Variants in TTK observed in about 807,000 individuals in gnomAD.
TTK encodes the protein TTK protein kinase, also known as dual specificity protein kinase TTK.
Under a neutral mutation model 117.3 loss-of-function variants are expected in TTK, and 59 were observed. The observed-to-expected ratio is 0.50, with a 90% CI of 0.41 to 0.62. The LOEUF is 0.62. Among genes scored for constraint, TTK ranks in the 20% least tolerant of loss-of-function variants. TTK has a pLI of 0.00. For synonymous variants in TTK, 302 were observed against 325.0 expected, an observed-to-expected ratio of 0.93 and a Z score of 0.76; for missense variants, 921 against 989.4, an observed-to-expected ratio of 0.93 and a Z score of 0.93.
chr6:80,032,538 G>C (rs888983874), intron 14 of TTK, among the ~76,000 whole-genome samples: 105 of 152,156 alleles, frequency 6.9e-4, no homozygotes, highest in African/African-American at 2.5e-3. Context: ...TCGCTTCTTA[G>C]TGTCTACCAG....
At chr6:80,041,330 A>C (rs1032550256) in intron 21 of TTK, among the ~76,000 whole-genome samples, 1 of 151,794 alleles carries the variant, frequency 6.6e-6, no homozygotes, top group Non-Finnish European at 1.5e-5. Context: ...GATACATATA[A>C]AATCCATCTA....
In TTK at chr6:80,035,325, G is replaced by A. The variant is rs747061200; in HGVS notation, c.1832G>A (p.Ser611Asn). The change falls in exon 16 of 22, where the codon AGT becomes AAT. Residue 611 changes from serine to asparagine, a missense_variant. Transcript: ENST00000369798. ...GAGTGTGGAAATATTGATCTTAATA[G>A]TTGGCTTAAAAAGAAAAAATCCATT... ...VMECGNIDLN[S>N]WLKKKKSIDP... 1.7e-5 allele frequency: 27 copies of A among 1,612,326 alleles called. No individual in the cohort carries two copies. The highest frequency in any genetic ancestry group is 1.7e-4 in the Middle Eastern group (1 of 6,054).
intron 11 of TTK, among the ~76,000 whole-genome samples, chr6:80,023,293 T>C (rs911681803): frequency 6.6e-6 from 1 of 152,228 alleles, no homozygotes; most frequent in Non-Finnish European, 1.5e-5. Context: ...TGTTTATTAA[T>C]TTATTAAAAA....
chr6:80,040,807 C>T (rs976805263), intron 21 of TTK, 104 bp downstream of exon 21: 6 of 933,720 alleles, frequency 6.4e-6, no homozygotes, highest in Non-Finnish European at 6.5e-6. Flanking sequence ...ATCATCAGAT[C>T]AGTTATGAAA....
intron 2 of TTK, 107 bp from the exon 3 acceptor site, chr6:80,007,702 A>T: frequency 1.2e-6 from 1 of 820,598 alleles, no homozygotes; most frequent in Non-Finnish European, 1.9e-6. Context: ...GACTTTATGT[A>T]CATTGATACT....
intron 1 of TTK, chr6:80,005,008 C>T (rs1766949510): frequency 6.6e-6 from 1 of 152,238 alleles, no homozygotes; most frequent in Non-Finnish European, 1.5e-5. Flanking sequence ...AAAGGACAGT[C>T]TCTCTTGTTT....
chr6:80,036,657 GTAT>G (rs1353474857), intron 17 of TTK, 58 bp downstream of exon 17: 1 of 1,502,806 alleles, frequency 6.7e-7, no homozygotes, highest in East Asian at 2.3e-5. Flanking sequence ...TACCTGTGAA[GTAT>G]TATATTGCAA....
In TTK at chr6:80,008,199, C is replaced by T. The variant is rs531914188; in HGVS notation, c.362+168C>T. ...ACTAATGTAAACTCTTTTCTATGCA[C>T]GTTTCCACAACAGTTTACTTATTTT... On this transcript the variant is annotated intron_variant, in intron 3 of 21. Coordinates refer to ENST00000369798, the MANE Select transcript of TTK (RefSeq NM_003318.5). 3.3e-5 allele frequency among the ~76,000 whole-genome samples: 5 copies of T among 152,086 alleles called. No individual in the cohort carries two copies. The South Asian group carries it at 8.3e-4, about 25-fold the overall frequency.
Position 80,039,769 on chromosome 6 carries a change from A to T in TTK, c.2204A>T (p.Gln735Leu). Residue 735 changes from glutamine to leucine, a missense_variant, in exon 19 of 22, where the codon CAG becomes CTG. Physicochemically the swap from Gln to Leu is moderately radical, Grantham distance 113. Coordinates refer to ENST00000369798, the MANE Select transcript of TTK (RefSeq NM_003318.5). ...ATGACTTACGGGAAAACACCATTTC[A>T]GCAGATAATTAATCAGATTTCTAAA... is the stretch of plus-strand genomic sequence containing the variant. ...YYMTYGKTPF[Q>L]QIINQISKLH... The T allele has an allele frequency of 1.9e-6, 3 of 1,589,040 alleles. No individual in the cohort carries two copies. Among genetic ancestry groups the T allele is most frequent in the Non-Finnish European group, 2.6e-6 (3 of 1,168,618 alleles).
chr6:80,006,463 T>C (rs544278132), intron 2 of TTK, among the ~76,000 whole-genome samples: 5 of 152,278 alleles, frequency 3.3e-5, no homozygotes, highest in Admixed American at 2.6e-4. Flanking sequence ...TTAAGCAAAA[T>C]CTTAATGGAG....
At chr6:80,033,410 A>G (rs1373547730) in intron 14 of TTK, among the ~76,000 whole-genome samples, 1 of 152,030 alleles carries the variant, frequency 6.6e-6, no homozygotes, top group African/African-American at 2.4e-5. Context: ...TTTTCTCTGT[A>G]TCTTACCTTC....
At chr6:80,011,188 AT>A (rs201264231) in intron 5 of TTK, among the ~76,000 whole-genome samples, 10,574 of 144,916 alleles carry the variant, frequency 0.073, 390 homozygotes, top group South Asian at 0.12. Flanking sequence ...AAGCAAGAGA[AT>A]TTTTTTTTTT....
At chr6:80,031,319 A>G in intron 13 of TTK, 148 bp from the exon 14 acceptor site, 1 of 405,710 alleles carries the variant, frequency 2.5e-6, no homozygotes, top group Non-Finnish European at 4.2e-6. Flanking sequence ...TTCTTTGATT[A>G]AGTAGAGCAA....
At chr6:80,025,157 C>G (rs1767572012) in intron 11 of TTK, among the ~76,000 whole-genome samples, 1 of 152,180 alleles carries the variant, frequency 6.6e-6, no homozygotes, top group African/African-American at 2.4e-5. Context: ...ATCGCAGATG[C>G]TAACATTCCA....
chr6:80,037,838 G>A, intron 17 of TTK, 129 bp from the exon 18 acceptor site: 1 of 400,198 alleles, frequency 2.5e-6, no homozygotes, highest in Non-Finnish European at 4.1e-6. Context: ...TCTGGCATTT[G>A]TATTTTTAAG....
chr6:80,014,607 A>G (rs1767255922), intron 10 of TTK, 21 bp downstream of exon 10: 1 of 1,575,252 alleles, frequency 6.3e-7, no homozygotes. Flanking sequence ...CAAAATCAGT[A>G]GACTTGTATG....
chr6:80,038,703 G>GT (rs2127684268), intron 18 of TTK, among the ~76,000 whole-genome samples: 1 of 152,072 alleles, frequency 6.6e-6, no homozygotes, highest in Admixed American at 6.5e-5. Context: ...GCTTGTAAGT[G>GT]TTTTTCAAAT....
Position 80,023,013 on chromosome 6 carries a change from T to C in TTK, c.1257+541T>C, listed in dbSNP as rs192273291. Among the ~76,000 whole-genome samples the C allele has an allele frequency of 1.3e-3, 192 of 152,308 alleles. 4 individuals are homozygous for C. The highest frequency in any genetic ancestry group is 0.013 in the Admixed American group (192 of 15,292). On this transcript the variant is annotated intron_variant, in intron 11 of 21. Transcript: ENST00000369798. ...AGACAACGTACATGAATTTGTAACA[T>C]ACTGAGTCATCATTCCTGGTGGCTT...
intron 14 of TTK, 133 bp from the exon 15 acceptor site, chr6:80,034,852 C>A: frequency 1.4e-6 from 1 of 718,534 alleles, no homozygotes; most frequent in Non-Finnish European, 2.0e-6. Flanking sequence ...TCAAAATAGG[C>A]CCAGAAACTT....
Sources: allele counts gnomAD v4.1 joint callset (sites outside exome capture counted in the v4.1 genomes callset), GRCh38; gene constraint gnomAD v4.1.1; transcripts MANE v1.5; gene names NCBI Gene and HGNC (gene_info 2026-07-23, HGNC 2026-07-21).